The following STX8 variants were observed in gnomAD, a reference collection of about 807,000 sequenced individuals.
STX8 encodes syntaxin 8.
In STX8, 23 loss-of-function variants were observed where a neutral mutation model predicts 37.5. That is an observed-to-expected ratio of 0.61 (90% CI 0.44 to 0.87). The LOEUF (loss-of-function observed/expected upper bound fraction) is 0.87. Ranked by LOEUF, STX8 falls within the 40% of genes least tolerant of loss-of-function variation. STX8 has a pLI of 0.00. For missense variants in STX8, 313 were observed against 284.7 expected, an observed-to-expected ratio of 1.10 and a Z score of -0.71; for synonymous variants, 115 against 99.1, an observed-to-expected ratio of 1.16 and a Z score of -0.95.
rs540404674 is a variant in STX8, at chr17:9,255,311, G to A, written c.644-4666C>T. On this transcript the variant is annotated intron_variant, in intron 7 of 7. Coordinates refer to ENST00000306357, the MANE Select transcript of STX8 (RefSeq NM_004853.3). Reference sequence around the variant, plus strand: ...GGAGGCCAAGGCGGGCGGATCATCTGAGGTCAGGAGTTTGAGACCAGCCTG... The same window carrying A: ...GGAGGCCAAGGCGGGCGGATCATCTAAGGTCAGGAGTTTGAGACCAGCCTG... Among the ~76,000 whole-genome samples, 699 of 152,106 alleles carry A rather than the reference G, an allele frequency of 4.6e-3. 3 individuals carry two copies. Among genetic ancestry groups the A allele is most frequent in the African/African-American group, 0.015 (617 of 41,494 alleles).
chr17:9,414,783 C>CTTTTTTT (rs10552538), intron 6 of STX8, among the ~76,000 whole-genome samples: 42 of 57,438 alleles, frequency 7.3e-4, no homozygotes, highest in East Asian at 2.0e-3. Context: ...CTGAGTTCTG[C>CTTTTTTT]TTTTTTTTTT....
chr17:9,473,265 C>T (rs1374320525), intron 6 of STX8, among the ~76,000 whole-genome samples: 2 of 152,042 alleles, frequency 1.3e-5, no homozygotes, highest in Admixed American at 6.6e-5. Context: ...GTGATCTGCC[C>T]GTCTTGGCCT....
chr17:9,344,258 CTTTTTTT>C (rs200606281), intron 7 of STX8, among the ~76,000 whole-genome samples: 129,339 of 146,028 alleles, frequency 0.89, 58,737 homozygotes, highest in East Asian at 0.99. Context: ...TGATACTAAA[CTTTTTTT>C]TTTTTTTTTT....
At position 9,426,748 on chromosome 17, in the gene STX8, C is replaced by T. The variant is rs137941724; in HGVS notation, c.542-48095G>A. 3.4e-3 allele frequency among the ~76,000 whole-genome samples: 513 copies of T among 152,032 alleles called. 16 individuals are homozygous for T. The highest frequency in any genetic ancestry group is 0.031 in the Admixed American group (475 of 15,266). On this transcript the variant is annotated intron_variant, in intron 6 of 7. Coordinates refer to ENST00000306357, the MANE Select transcript of STX8 (RefSeq NM_004853.3). ...CTGCACTCCAGCCTGGGTGACAGTGCGAGACTGTCTCAAAAAATAAAGTAA... is the reference window on the plus strand; with the variant it reads ...CTGCACTCCAGCCTGGGTGACAGTGTGAGACTGTCTCAAAAAATAAAGTAA...
chr17:9,546,702 A>T (rs1906543486), intron 3 of STX8, among the ~76,000 whole-genome samples: 2 of 145,096 alleles, frequency 1.4e-5, no homozygotes, highest in Non-Finnish European at 3.0e-5. Context: ...GGTTCAAGCG[A>T]TTCTCCTGCC....
chr17:9,543,435 AG>A (rs1432821708), intron 4 of STX8, among the ~76,000 whole-genome samples: 1 of 152,024 alleles, frequency 6.6e-6, no homozygotes, highest in African/African-American at 2.4e-5. Flanking sequence ...CTGGGACTAC[AG>A]GTGCCCGCCA....
chr17:9,489,277 A>T (rs909003092), intron 6 of STX8, among the ~76,000 whole-genome samples: 7 of 152,020 alleles, frequency 4.6e-5, no homozygotes, highest in Non-Finnish European at 8.8e-5. Context: ...AAATCAAATT[A>T]AAAAAAATGA....
At chr17:9,416,440 G>C (rs373580466) in intron 6 of STX8, among the ~76,000 whole-genome samples, 1 of 152,070 alleles carries the variant, frequency 6.6e-6, no homozygotes, top group Admixed American at 6.6e-5. Context: ...CACGATCTCA[G>C]TTCACTGAAA....
chr17:9,257,683 T>C (rs1906850983), intron 7 of STX8, among the ~76,000 whole-genome samples: 1 of 151,696 alleles, frequency 6.6e-6, no homozygotes, highest in South Asian at 2.1e-4. Context: ...ATTTTGGTTG[T>C]CTTGAACCAA....
At chr17:9,371,202 C>T (rs1247992790) in intron 7 of STX8, among the ~76,000 whole-genome samples, 3 of 152,092 alleles carry the variant, frequency 2.0e-5, no homozygotes, top group Admixed American at 2.0e-4. Flanking sequence ...TACATCGGCC[C>T]ATCAAGGAAG....
chr17:9,333,579 T>C (rs11651189), intron 7 of STX8, among the ~76,000 whole-genome samples: 1,855 of 152,044 alleles, frequency 0.012, 12 homozygotes, highest in Non-Finnish European at 0.018. Context: ...TTAGTAGAGA[T>C]GGGGTTTCAC....
intron 7 of STX8, among the ~76,000 whole-genome samples, chr17:9,255,557 TATAAATAAATAA>T (rs35589958): frequency 4.6e-5 from 5 of 109,818 alleles, no homozygotes; most frequent in Non-Finnish European, 7.4e-5. Context: ...TAAATAAATA[TATAAATAAATAA>T]ATAAATAAAT....
At chr17:9,476,317 T>C (rs926176609) in intron 6 of STX8, among the ~76,000 whole-genome samples, 1 of 152,238 alleles carries the variant, frequency 6.6e-6, no homozygotes, top group Non-Finnish European at 1.5e-5. Flanking sequence ...GCCCATAGCA[T>C]GTGTATTAGT....
chr17:9,299,224 A>G (rs1908676099), intron 7 of STX8, among the ~76,000 whole-genome samples: 1 of 152,076 alleles, frequency 6.6e-6, no homozygotes, highest in Non-Finnish European at 1.5e-5. Flanking sequence ...TGCATAGCTC[A>G]TCATAGTTTT....
intron 4 of STX8, among the ~76,000 whole-genome samples, chr17:9,531,692 T>C (rs1905824104): frequency 6.6e-6 from 1 of 152,240 alleles, no homozygotes; most frequent in African/African-American, 2.4e-5. Context: ...ATGTGTCCTC[T>C]GCCCTTAAGC....
chr17:9,320,046 T>A (rs1225368172), intron 7 of STX8, among the ~76,000 whole-genome samples: 2 of 149,990 alleles, frequency 1.3e-5, no homozygotes, highest in African/African-American at 4.9e-5. Flanking sequence ...AATAAAAATT[T>A]TACTGGCCAG....
intron 6 of STX8, among the ~76,000 whole-genome samples, chr17:9,408,833 A>AAAGTCTACGTGAGGGTCCT (rs962763560): frequency 1.3e-5 from 2 of 152,158 alleles, no homozygotes; most frequent in Admixed American, 6.5e-5. Flanking sequence ...CTCTTCCAGA[A>AAAGTCTACGTGAGGGTCCT]AAGTCTACGT....
Position 9,273,706 on chromosome 17 carries a change from C to T in STX8, c.644-23061G>A, listed in dbSNP as rs533006932. On this transcript the variant is annotated intron_variant, in intron 7 of 7. Transcript: ENST00000306357. ...CTGATGATTTCAAAATTTATCTAAA[C>T]GAATGTGGAGGCCAGTACAGGCTAT... Among the ~76,000 whole-genome samples, 26 of 152,376 alleles carry T rather than the reference C, an allele frequency of 1.7e-4. No individual in the cohort carries two copies. The South Asian group carries it at 5.0e-3, about 29-fold the overall frequency.
chr17:9,430,150 TATA>T (rs1452082325), intron 6 of STX8, among the ~76,000 whole-genome samples: 6 of 77,950 alleles, frequency 7.7e-5, no homozygotes, highest in African/African-American at 2.4e-4. Flanking sequence ...ATAATTTATA[TATA>T]AAATATAAAA....
Sources: gnomAD v4.1 joint callset for allele counts (sites outside exome capture counted in the v4.1 genomes callset) on GRCh38, gnomAD v4.1.1 for gene constraint, MANE v1.5 for transcripts, NCBI Gene and HGNC (gene_info 2026-07-23, HGNC 2026-07-21) for gene names.